GLYAT: variants seen among roughly 807,000 people sequenced by gnomAD.
GLYAT encodes the protein glycine-N-acyltransferase, also known as glycine N-acyltransferase.
In GLYAT, 25 loss-of-function variants were observed where a neutral mutation model predicts 22.8. The observed-to-expected ratio is 1.09, with a 90% CI of 0.80 to 1.53. The LOEUF (loss-of-function observed/expected upper bound fraction) is 1.53. Ranked by LOEUF, GLYAT falls within the 40% of genes most tolerant of loss-of-function variation. GLYAT has a pLI of 0.00. For missense variants in GLYAT, 411 were observed against 353.9 expected (o/e 1.16, Z -1.29); for synonymous variants, 140 against 122.7 (o/e 1.14, Z -0.93).
chr11:58,712,632 T>G (rs751695296), intron 4 of GLYAT, 128 bp downstream of exon 4: 5 of 811,768 alleles, frequency 6.2e-6, no homozygotes, highest in Non-Finnish European at 1.0e-5. Flanking sequence ...ACAGATATAG[T>G]TACCACACAG....
intron 3 of GLYAT, among the ~76,000 whole-genome samples, chr11:58,713,596 A>G (rs992745682): frequency 1.3e-5 from 2 of 152,170 alleles, no homozygotes; most frequent in African/African-American, 2.4e-5. Flanking sequence ...TGTTGGTTAA[A>G]CCAGTTGCAG....
intron 4 of GLYAT, among the ~76,000 whole-genome samples, chr11:58,712,141 A>G (rs571746654): frequency 6.6e-6 from 1 of 152,350 alleles, no homozygotes; most frequent in South Asian, 2.1e-4. Flanking sequence ...TGGTTGATTC[A>G]CAGAATTATT....
chr11:58,713,141 A>C (rs1856637671), intron 3 of GLYAT, among the ~76,000 whole-genome samples: 1 of 152,174 alleles, frequency 6.6e-6, no homozygotes, highest in African/African-American at 2.4e-5. Context: ...GAACATTTCA[A>C]GTCCTCCTTC....
chr11:58,721,490 A>AG (rs1203787272), intron 2 of GLYAT, among the ~76,000 whole-genome samples: 2 of 152,044 alleles, frequency 1.3e-5, no homozygotes, highest in Non-Finnish European at 2.9e-5. Context: ...AAACAAAAAA[A>AG]CTTTTGCTCG....
At chr11:58,726,628 G>T (rs542163106) in intron 1 of GLYAT, among the ~76,000 whole-genome samples, 1 of 152,234 alleles carries the variant, frequency 6.6e-6, no homozygotes, top group South Asian at 2.1e-4. Flanking sequence ...AGGGTACTGG[G>T]TTCCAAGATT....
intron 1 of GLYAT, among the ~76,000 whole-genome samples, chr11:58,726,193 G>A (rs1590674512): frequency 6.6e-6 from 1 of 152,162 alleles, no homozygotes; most frequent in Admixed American, 6.5e-5. Flanking sequence ...TCTGGGTGTG[G>A]GATGTGGGGC....
intron 1 of GLYAT, among the ~76,000 whole-genome samples, 183 bp downstream of exon 1, chr11:58,731,652 T>C (rs1353636710): frequency 6.6e-6 from 1 of 152,174 alleles, no homozygotes; most frequent in Non-Finnish European, 1.5e-5. Context: ...AATTAATATA[T>C]CTATTACTTC....
rs773008747 is a variant in GLYAT, at chr11:58,709,934, G to A, written c.723C>T (p.Gly241=). 19 of 1,613,934 alleles carry A rather than the reference G, an allele frequency of 1.2e-5. No individual in the cohort carries two copies. Among genetic ancestry groups the A allele is most frequent in the Non-Finnish European group, 8.5e-6 (10 of 1,179,962 alleles). Residue 241 remains glycine (G), a synonymous_variant, in exon 6 of 6, where the codon GGC becomes GGT. Transcript: ENST00000344743. Reference sequence around the variant, plus strand: ...GGGAATAGATGACATACGTCACAAGGCCATGGAGCCGGTATTCCGGCAAGG... The same window carrying A: ...GGGAATAGATGACATACGTCACAAGACCATGGAGCCGGTATTCCGGCAAGG... ...AGTLPEYRLH[G]LVTYVIYSHA... is the part of the protein sequence containing the mutation.
chr11:58,714,636 T>C (rs1407906701), intron 3 of GLYAT, among the ~76,000 whole-genome samples: 2 of 152,066 alleles, frequency 1.3e-5, no homozygotes, highest in African/African-American at 2.4e-5. Context: ...TCCCCCACCG[T>C]GTCTTTGTGA....
chr11:58,709,982 A>T lies in GLYAT; in HGVS notation c.675T>A (p.Thr225=), dbSNP rs769693616. The change falls in exon 6 of 6, where the codon ACT becomes ACA. Residue 225 remains threonine (T), a synonymous_variant. Transcript: ENST00000344743. ...AGGTGCCTGCCATTCTCATCTCTCCAGTCTGGTCCATTAGATCCCAGCACA... is the reference window on the plus strand; with the variant it reads ...AGGTGCCTGCCATTCTCATCTCTCCTGTCTGGTCCATTAGATCCCAGCACA... ...TPVCWDLMDQ[T]GEMRMAGTLP... is the part of the protein sequence containing the mutation. 2 of 1,614,092 alleles carry T rather than the reference A, an allele frequency of 1.2e-6. No homozygotes were observed. Among genetic ancestry groups the T allele is most frequent in the South Asian group, 2.2e-5 (2 of 91,084 alleles).
At chr11:58,726,994 CA>C (rs140619114) in intron 1 of GLYAT, among the ~76,000 whole-genome samples, 20 of 145,378 alleles carry the variant, frequency 1.4e-4, no homozygotes, top group Non-Finnish European at 1.5e-4. Flanking sequence ...AGTGCTGACT[CA>C]AAAAAAAAAG....
chr11:58,712,085 C>G (rs1856623151), intron 4 of GLYAT, among the ~76,000 whole-genome samples: 1 of 152,136 alleles, frequency 6.6e-6, no homozygotes, highest in Non-Finnish European at 1.5e-5. Flanking sequence ...ATGAGTAAAC[C>G]CAGATAAGAC....
chr11:58,715,537 A>G lies in GLYAT; in HGVS notation c.82-114T>C, dbSNP rs1405671205. 4 of 627,522 alleles carry G rather than the reference A, an allele frequency of 6.4e-6. No homozygotes were observed. In the African/African-American group the frequency reaches 7.4e-5, roughly 12 times the overall value. 38.9% of individuals were successfully genotyped at this position (627,522 alleles called of 1,614,324 possible). On this transcript the variant is annotated intron_variant, in intron 2 of 5. Transcript: ENST00000344743. The stretch of plus-strand genomic sequence containing the variant: ...AAAATCATGACATTTTATGATACAA[A>G]GTAGCCAAATGGAGAATCTAAGTCA...
rs71064488 is a variant in GLYAT at position 58,728,889 on chromosome 11, AGAAGGAAGGAAGGAAGGAAGGAAG to A, written c.-16+2922_-16+2945del. ...AAGAAAGAAAGAAAGAAAGAAAGAA[AGAAGGAAGGAAGGAAGGAAGGAAG>A]GAAGGAAGGAAGGAAGGAAGGAAGG... On this transcript the variant is annotated intron_variant, in intron 1 of 5. Coordinates refer to ENST00000344743, the MANE Select transcript of GLYAT (RefSeq NM_201648.3). Among the ~76,000 whole-genome samples the A allele has an allele frequency of 3.0e-4, 30 of 101,302 alleles. No homozygotes were observed. In the South Asian group the frequency reaches 3.4e-3, roughly 11 times the overall value. 66.5% of individuals were successfully genotyped at this position (101,302 alleles called of 152,430 possible). A position where few individuals can be genotyped will look rare whatever the true frequency, so the allele number is the denominator to read the frequency against.
chr11:58,712,631 G>A (rs1195464693), intron 4 of GLYAT, 129 bp downstream of exon 4: 2 of 803,920 alleles, frequency 2.5e-6, no homozygotes, highest in Non-Finnish European at 4.2e-6. Context: ...TACAGATATA[G>A]TTACCACACA....
intron 2 of GLYAT, among the ~76,000 whole-genome samples, chr11:58,721,079 C>T (rs1292401682): frequency 1.3e-5 from 2 of 151,754 alleles, no homozygotes; most frequent in African/African-American, 4.8e-5. Context: ...GTATACAATA[C>T]ATAAATACAT....
chr11:58,715,246 A>G, intron 3 of GLYAT, 70 bp downstream of exon 3: 1 of 751,496 alleles, frequency 1.3e-6, no homozygotes, highest in South Asian at 1.6e-5. Flanking sequence ...TGGCTCTACC[A>G]TATTGCTAAG....
In GLYAT at chr11:58,710,748, G is replaced by T; in HGVS notation, c.330C>A (p.Ser110Arg). The part of the protein sequence containing the change: ...QHLQIQSSQP[S>R]LNEAIQNLAA... ...CAAGATTTTGTATAGCCTCATTCAG[G>T]CTAGGCTGTGAACCTAGACGGTATA... The change falls in exon 5 of 6, where the codon AGC becomes AGA. Residue 110 changes from serine to arginine, a missense_variant. Transcript: ENST00000344743. The T allele has an allele frequency of 1.2e-6, 2 of 1,602,938 alleles. No homozygotes were observed. The highest frequency in any genetic ancestry group is 1.7e-6 in the Non-Finnish European group (2 of 1,169,924).
intron 1 of GLYAT, among the ~76,000 whole-genome samples, chr11:58,731,326 G>C (rs764314330): frequency 6.6e-6 from 1 of 152,148 alleles, no homozygotes; most frequent in African/African-American, 2.4e-5. Context: ...GAAGCTCTCA[G>C]ATCTTTCTTT....
Sources: gnomAD v4.1 joint callset for allele counts (sites outside exome capture counted in the v4.1 genomes callset) on GRCh38, gnomAD v4.1.1 for gene constraint, MANE v1.5 for transcripts, NCBI Gene and HGNC (gene_info 2026-07-23, HGNC 2026-07-21) for gene names.